Variants in NTSR1 observed in about 807,000 individuals in gnomAD.
The protein encoded by NTSR1 is neurotensin receptor type 1.
Under a neutral mutation model 31.2 loss-of-function variants are expected in NTSR1, and 29 were observed. The ratio of observed to expected loss-of-function variants is 0.93; its 90% CI spans 0.69 to 1.27. The LOEUF is 1.27. NTSR1 is among the 50% of genes most tolerant of loss of function. NTSR1 has a pLI of 0.00. For missense variants in NTSR1, 697 were observed against 595.4 expected, an observed-to-expected ratio of 1.17 and a Z score of -1.78; for synonymous variants, 282 against 269.9, an observed-to-expected ratio of 1.04 and a Z score of -0.44.
intron 1 of NTSR1, among the ~76,000 whole-genome samples, chr20:62,730,464 T>C (rs1037475082): frequency 6.6e-6 from 1 of 152,244 alleles, no homozygotes; most frequent in Non-Finnish European, 1.5e-5. Context: ...TATTCCATTA[T>C]CTGGATGTCC....
At chr20:62,710,918 C>T (rs1256107004) in intron 1 of NTSR1, among the ~76,000 whole-genome samples, 1 of 152,164 alleles carries the variant, frequency 6.6e-6, no homozygotes, top group African/African-American at 2.4e-5. Flanking sequence ...CGGGCAGAGT[C>T]GCCTACCTCT....
rs1989236810 is a variant in NTSR1, at chr20:62,743,315, A to G, written c.715-11370A>G. 6.7e-6 allele frequency among the ~76,000 whole-genome samples: 1 copy of G among 150,076 alleles called. No individual in the cohort carries two copies. Among genetic ancestry groups the G allele is most frequent in the Admixed American group, 6.7e-5 (1 of 14,966 alleles). ...AAGCCTGTGCTGACGGCCCTGGCAC[A>G]CAGGGTTTCTGAATTAACTCTGCCA... On this transcript the variant is annotated intron_variant, in intron 1 of 3. Coordinates refer to ENST00000370501, the MANE Select transcript of NTSR1 (RefSeq NM_002531.3). The surrounding 1 kb of genome is among the most constrained non-coding windows in gnomAD (Gnocchi z 7.5).
At chr20:62,726,517 T>C (rs933702330) in intron 1 of NTSR1, among the ~76,000 whole-genome samples, 3 of 152,116 alleles carry the variant, frequency 2.0e-5, no homozygotes, top group Admixed American at 2.0e-4. Context: ...GAATCAGCCA[T>C]CCCAGGCATA....
intron 1 of NTSR1, among the ~76,000 whole-genome samples, chr20:62,753,703 G>A (rs970843489): frequency 4.6e-5 from 7 of 152,258 alleles, no homozygotes; most frequent in African/African-American, 1.7e-4. Context: ...GAAGGCCAAG[G>A]AAGATTTTAA....
intron 1 of NTSR1, among the ~76,000 whole-genome samples, chr20:62,718,272 G>A (rs1231063837): frequency 6.6e-6 from 1 of 152,146 alleles, no homozygotes; most frequent in Non-Finnish European, 1.5e-5. Flanking sequence ...TGTGGAGAAT[G>A]CATTTAGGGG....
At position 62,760,198 on chromosome 20, in the gene NTSR1, G is replaced by C; in HGVS notation, c.1188G>C (p.Ser396=). 2 of 1,613,834 alleles carry C rather than the reference G, an allele frequency of 1.2e-6. No individual in the cohort carries two copies. The highest frequency in any genetic ancestry group is 1.7e-6 in the Non-Finnish European group (2 of 1,180,000). ...WRRRRKRPAF[S]RKADSVSSNH... ...GCAGGAGGAAGAGGCCAGCCTTCTC[G>C]AGGAAGGCCGACAGCGTGTCCAGCA... Residue 396 remains serine (S), a synonymous_variant, in exon 4 of 4, where the codon TCG becomes TCC. Transcript: ENST00000370501.
intron 1 of NTSR1, among the ~76,000 whole-genome samples, chr20:62,750,984 T>TCC (rs1989385576): frequency 6.6e-6 from 1 of 152,168 alleles, no homozygotes; most frequent in Non-Finnish European, 1.5e-5. Context: ...CAAACAATCC[T>TCC]CCCATCTCAG....
chr20:62,753,744 A>G (rs1439343073), intron 1 of NTSR1, among the ~76,000 whole-genome samples: 1 of 152,226 alleles, frequency 6.6e-6, no homozygotes, highest in Admixed American at 6.5e-5. Context: ...CCACTGCCCC[A>G]GGGAGGGGTG....
intron 1 of NTSR1, among the ~76,000 whole-genome samples, chr20:62,710,679 G>A (rs535458370): frequency 1.1e-4 from 17 of 152,302 alleles, no homozygotes; most frequent in Admixed American, 7.8e-4. Context: ...GTGGGAATGC[G>A]GGTGGGAAGC....
intron 1 of NTSR1, among the ~76,000 whole-genome samples, chr20:62,735,976 G>A (rs1043243665): frequency 2.6e-5 from 4 of 152,216 alleles, no homozygotes; most frequent in African/African-American, 7.2e-5. Context: ...GTATTCAACT[G>A]TTCCCTTCAT....
chr20:62,755,068 C>G (rs544202196), intron 2 of NTSR1, among the ~76,000 whole-genome samples, 182 bp downstream of exon 2: 236 of 151,748 alleles, frequency 1.6e-3, no homozygotes, highest in African/African-American at 5.4e-3. Context: ...ATCCCTCCCT[C>G]CATCCTTCCA....
At position 62,760,657 on chromosome 20, in the gene NTSR1, G is replaced by T. The variant is rs550569376; in HGVS notation, c.*390G>T. 262 of 181,336 alleles carry T rather than the reference G, an allele frequency of 1.4e-3. No individual in the cohort carries two copies. Among genetic ancestry groups the T allele is most frequent in the African/African-American group, 5.9e-3 (249 of 42,522 alleles). 11.2% of individuals were successfully genotyped at this position (181,336 alleles called of 1,614,324 possible). ...GGTGGGGCCGGGCCTCCGGCGGCCC[G>T]GCTGCTGTTCCCATGTCCACATCTC... On this transcript the variant is annotated 3_prime_UTR_variant, in exon 4 of 4. Coordinates refer to ENST00000370501, the MANE Select transcript of NTSR1 (RefSeq NM_002531.3).
chr20:62,751,015 A>G (rs1182149046), intron 1 of NTSR1, among the ~76,000 whole-genome samples: 1 of 152,182 alleles, frequency 6.6e-6, no homozygotes, highest in Non-Finnish European at 1.5e-5. Flanking sequence ...AGCTGGCACT[A>G]TAGGCGTATG....
At chr20:62,730,452 AATATTCC>A (rs1424133764) in intron 1 of NTSR1, among the ~76,000 whole-genome samples, 2 of 152,198 alleles carry the variant, frequency 1.3e-5, no homozygotes, top group Non-Finnish European at 2.9e-5. Flanking sequence ...ACGGCTGAAT[AATATTCC>A]ATTATCTGGA....
chr20:62,711,002 T>C lies in NTSR1; in HGVS notation c.714+1081T>C, dbSNP rs1008877494. ...ACACCAGCATCGCCAGCCTCCCAGC[T>C]AAGCTTCTGTAGTTGCCTGGGCACC... On this transcript the variant is annotated intron_variant, in intron 1 of 3. Coordinates refer to ENST00000370501, the MANE Select transcript of NTSR1 (RefSeq NM_002531.3). The surrounding 1 kb of genome is among the most constrained non-coding windows in gnomAD (Gnocchi z 6.4). 5.3e-5 allele frequency among the ~76,000 whole-genome samples: 8 copies of C among 152,154 alleles called. No homozygotes were observed. Among genetic ancestry groups the C allele is most frequent in the Non-Finnish European group, 1.2e-4 (8 of 68,012 alleles).
intron 1 of NTSR1, among the ~76,000 whole-genome samples, chr20:62,718,282 GT>G (rs759832273): frequency 3.3e-5 from 5 of 152,116 alleles, no homozygotes; most frequent in Admixed American, 1.3e-4. Context: ...GCATTTAGGG[GT>G]CAGAATGGTT....
At chr20:62,748,257 T>A (rs1989336806) in intron 1 of NTSR1, among the ~76,000 whole-genome samples, 1 of 151,402 alleles carries the variant, frequency 6.6e-6, no homozygotes, top group African/African-American at 2.4e-5. Flanking sequence ...ACCTGTACAC[T>A]GAATATAACA....
intron 1 of NTSR1, among the ~76,000 whole-genome samples, chr20:62,751,420 C>A (rs532094832): frequency 1.7e-4 from 26 of 152,346 alleles, no homozygotes; most frequent in African/African-American, 5.8e-4. Flanking sequence ...ATTTATTTCA[C>A]TCAAGACACA....
At chr20:62,752,619 G>C (rs1989413331) in intron 1 of NTSR1, among the ~76,000 whole-genome samples, 1 of 152,242 alleles carries the variant, frequency 6.6e-6, no homozygotes. Context: ...GCCCCCAGAG[G>C]TAGCTATTTT....
Sources: allele counts gnomAD v4.1 joint callset (sites outside exome capture counted in the v4.1 genomes callset), GRCh38; gene constraint gnomAD v4.1.1; non-coding constraint Gnocchi (gnomAD v3.1); transcripts MANE v1.5; gene names NCBI Gene and HGNC (gene_info 2026-07-23, HGNC 2026-07-21).